The following PCDH15 variants were observed in gnomAD, a reference collection of about 807,000 sequenced individuals.
PCDH15 encodes protocadherin related 15.
A neutral mutation model predicts 178.5 loss-of-function variants in PCDH15; 129 were observed. The ratio of observed to expected loss-of-function variants is 0.72; its 90% CI spans 0.63 to 0.84. The LOEUF (loss-of-function observed/expected upper bound fraction) is 0.84. Among genes scored for constraint, PCDH15 ranks in the 40% least tolerant of loss-of-function variants. The probability of loss-of-function intolerance (pLI) is 0.00; values close to 1 mark genes in which losing one functional copy is unlikely to be tolerated. For missense variants in PCDH15, 2,230 were observed against 2,099.9 expected (o/e 1.06, Z -1.21); for synonymous variants, 800 against 732.0 (o/e 1.09, Z -1.50).
At chr10:55,084,805 C>A (rs527556404) in intron 2 of PCDH15, among the ~76,000 whole-genome samples, 1 of 151,852 alleles carries the variant, frequency 6.6e-6, no homozygotes, top group South Asian at 2.1e-4. Flanking sequence ...ATACAAATGG[C>A]AAACAAGCTT....
intron 2 of PCDH15, among the ~76,000 whole-genome samples, chr10:55,127,679 C>G (rs939975487): frequency 6.6e-6 from 1 of 151,820 alleles, no homozygotes; most frequent in African/African-American, 2.4e-5. Flanking sequence ...TCTGGATTCT[C>G]TTGCATGCAG....
At chr10:53,930,434 G>T (rs1017108744) in intron 25 of PCDH15, among the ~76,000 whole-genome samples, 2 of 121,122 alleles carry the variant, frequency 1.7e-5, no homozygotes, top group Non-Finnish European at 3.2e-5. Context: ...CTCCAGCCTG[G>T]GTGACAGAGT....
chr10:54,992,122 A>T lies in PCDH15; in HGVS notation c.-79-94622T>A, dbSNP rs139246522. On this transcript the variant is annotated intron_variant, in intron 2 of 5. Transcript: ENST00000458638. Reference sequence around the variant, plus strand: ...AAGAATTTTTTAAAAATCACTCTATAATATAAACCTCTTGAAGGAAAATGT... The same window carrying T: ...AAGAATTTTTTAAAAATCACTCTATTATATAAACCTCTTGAAGGAAAATGT... Among the ~76,000 whole-genome samples the T allele has an allele frequency of 5.0e-3, 764 of 152,234 alleles. 2 individuals carry two copies. The highest frequency in any genetic ancestry group is 8.5e-3 in the Non-Finnish European group (579 of 67,998).
intron 2 of PCDH15, among the ~76,000 whole-genome samples, chr10:55,332,933 T>C (rs1014457161): frequency 6.6e-6 from 1 of 152,124 alleles, no homozygotes; most frequent in East Asian, 1.9e-4. Flanking sequence ...GAAAACAAAC[T>C]AATACACCTG....
chr10:55,401,078 T>TG (rs1257064800), intron 2 of PCDH15, among the ~76,000 whole-genome samples: 3 of 152,104 alleles, frequency 2.0e-5, no homozygotes, highest in Non-Finnish European at 4.4e-5. Context: ...TTTTATGGGT[T>TG]GTCCTGGGAA....
intron 3 of PCDH15, among the ~76,000 whole-genome samples, chr10:54,816,670 T>C (rs1022698628): frequency 1.3e-5 from 2 of 152,130 alleles, no homozygotes; most frequent in African/African-American, 4.8e-5. Flanking sequence ...AAAATTAATG[T>C]TAAATAAATT....
chr10:54,694,632 G>C (rs1285555628), intron 1 of PCDH15, among the ~76,000 whole-genome samples: 4 of 151,872 alleles, frequency 2.6e-5, no homozygotes, highest in Non-Finnish European at 5.9e-5. Flanking sequence ...TTGTTATAGA[G>C]ATCAGCGGTC....
intron 2 of PCDH15, among the ~76,000 whole-genome samples, chr10:54,564,154 C>T (rs575971034): frequency 2.0e-5 from 3 of 152,068 alleles, no homozygotes; most frequent in Admixed American, 6.5e-5. Flanking sequence ...CTGAATCCAC[C>T]AAAATTATCA....
chr10:54,028,875 A>C (rs1224011740), intron 18 of PCDH15, among the ~76,000 whole-genome samples: 2 of 150,530 alleles, frequency 1.3e-5, no homozygotes, highest in Admixed American at 6.6e-5. Context: ...CCAGCATGGC[A>C]CATGTATACA....
intron 3 of PCDH15, among the ~76,000 whole-genome samples, chr10:54,843,220 C>G (rs1388640517): frequency 6.6e-6 from 1 of 151,912 alleles, no homozygotes; most frequent in Non-Finnish European, 1.5e-5. Flanking sequence ...ACAAGTAAAG[C>G]TGTGCCCTGG....
chr10:55,240,263 T>A (rs192754582), intron 1 of PCDH15, among the ~76,000 whole-genome samples: 28 of 152,290 alleles, frequency 1.8e-4, no homozygotes, highest in Admixed American at 1.4e-3. Flanking sequence ...TATTACAAAT[T>A]TGTATTTAAT....
At chr10:54,748,337 T>G (rs755112533) in intron 1 of PCDH15, among the ~76,000 whole-genome samples, 1 of 152,210 alleles carries the variant, frequency 6.6e-6, no homozygotes, top group Non-Finnish European at 1.5e-5. Context: ...TACTTAATTA[T>G]TGTCTGGTCA....
chr10:54,407,284 C>T (rs374621405), intron 3 of PCDH15, among the ~76,000 whole-genome samples: 1 of 152,094 alleles, frequency 6.6e-6, no homozygotes. Context: ...GTCAGAGTGG[C>T]AGTTACATGT....
Position 54,831,628 on chromosome 10 carries a change from C to T in PCDH15, c.-29+65822G>A, listed in dbSNP as rs112396880. ...ACAAACTGGCATTTGGTGAACAAAA[C>T]ACCATAACCAAAAGCTAAATCACAC... On this transcript the variant is annotated intron_variant, in intron 3 of 5. Coordinates refer to the PCDH15 transcript ENST00000458638. Among the ~76,000 whole-genome samples the T allele has an allele frequency of 3.7e-3, 562 of 152,160 alleles. 1 individual carries two copies. Among genetic ancestry groups the T allele is most frequent in the African/African-American group, 0.013 (540 of 41,546 alleles).
At chr10:54,586,649 G>A (rs1235086786) in intron 2 of PCDH15, among the ~76,000 whole-genome samples, 3 of 152,082 alleles carry the variant, frequency 2.0e-5, no homozygotes, top group Non-Finnish European at 4.4e-5. Flanking sequence ...CCTATTTACA[G>A]GTACTCCTCA....
chr10:55,393,641 C>T (rs1489016366), intron 2 of PCDH15, among the ~76,000 whole-genome samples: 1 of 152,102 alleles, frequency 6.6e-6, no homozygotes. Flanking sequence ...TACAAGAAAA[C>T]CCACACTTTT....
intron 21 of PCDH15, among the ~76,000 whole-genome samples, chr10:53,992,098 G>T (rs541287810): frequency 4.5e-4 from 68 of 151,946 alleles, no homozygotes; most frequent in Non-Finnish European, 7.6e-4. Flanking sequence ...CCTGAGGCCA[G>T]CGAGACCATG....
At chr10:55,077,995 T>G (rs1241853577) in intron 2 of PCDH15, among the ~76,000 whole-genome samples, 1 of 152,202 alleles carries the variant, frequency 6.6e-6, no homozygotes, top group Non-Finnish European at 1.5e-5. Flanking sequence ...CAGCATTTCT[T>G]GTAGGACTGG....
intron 2 of PCDH15, among the ~76,000 whole-genome samples, chr10:54,933,790 C>T (rs1837840108): frequency 6.6e-6 from 1 of 152,042 alleles, no homozygotes; most frequent in Non-Finnish European, 1.5e-5. Flanking sequence ...TGCTATTATA[C>T]TGTGGCACTC....
Sources: allele counts gnomAD v4.1 joint callset (sites outside exome capture counted in the v4.1 genomes callset), GRCh38; gene constraint gnomAD v4.1.1; transcripts MANE v1.5; gene names NCBI Gene and HGNC (gene_info 2026-07-23, HGNC 2026-07-21).